The following SHANK2 variants were observed in gnomAD, a reference collection of about 807,000 sequenced individuals.
The protein encoded by SHANK2 is SH3 and multiple ankyrin repeat domains 2.
In SHANK2, 43 loss-of-function variants were observed where a neutral mutation model predicts 133.7. That is an observed-to-expected ratio of 0.32 (90% CI 0.25 to 0.41). The LOEUF (loss-of-function observed/expected upper bound fraction) is 0.41. Among genes scored for constraint, SHANK2 ranks in the 10% least tolerant of loss-of-function variants. The probability of loss-of-function intolerance (pLI) is 1.00; values close to 1 mark genes in which losing one functional copy is unlikely to be tolerated. For missense variants in SHANK2, 1,994 were observed against 2,235.8 expected (o/e 0.89, Z 2.18); for synonymous variants, 1,017 against 952.8 (o/e 1.07, Z -1.24).
At chr11:70,928,649 C>T (rs2135790144) in intron 10 of SHANK2, among the ~76,000 whole-genome samples, 1 of 151,872 alleles carries the variant, frequency 6.6e-6, no homozygotes, top group Non-Finnish European at 1.5e-5. Flanking sequence ...GGAGGTGGTC[C>T]CCTGGAGGAA....
intron 13 of SHANK2, among the ~76,000 whole-genome samples, chr11:70,803,215 C>A (rs1181332025): frequency 6.6e-6 from 1 of 150,770 alleles, no homozygotes; most frequent in Non-Finnish European, 1.5e-5. Flanking sequence ...CGCTGCCATG[C>A]ACTCACTCAC....
chr11:70,867,025 C>T (rs1012414708), intron 11 of SHANK2, among the ~76,000 whole-genome samples: 2 of 150,172 alleles, frequency 1.3e-5, no homozygotes, highest in Admixed American at 6.7e-5. Flanking sequence ...AGGAGCCAAA[C>T]GAATGATATG....
chr11:70,780,311 CT>C lies in SHANK2; in HGVS notation c.1777+18131del, dbSNP rs1947453645. On this transcript the variant is annotated intron_variant, in intron 14 of 25. Transcript: ENST00000601538. ...GTTGGTACAGGGGAAGGGAGAGGCC[CT>C]GGGTCAGAGTTTAACCCCAGGGCTC... Among the ~76,000 whole-genome samples the C allele has an allele frequency of 5.3e-5, 8 of 152,266 alleles. No homozygotes were observed. The South Asian group carries it at 1.7e-3, about 32-fold the overall frequency.
chr11:70,778,676 G>T (rs1190198342), intron 14 of SHANK2, among the ~76,000 whole-genome samples: 4 of 152,186 alleles, frequency 2.6e-5, no homozygotes, highest in African/African-American at 9.7e-5. Flanking sequence ...AACTTCCCCT[G>T]CCAGCCCCTG....
chr11:70,598,710 T>A (rs2060434451), intron 17 of SHANK2, among the ~76,000 whole-genome samples: 1 of 152,240 alleles, frequency 6.6e-6, no homozygotes, highest in South Asian at 2.1e-4. Context: ...ATTAAAAAGA[T>A]TACTACATCA....
intron 12 of SHANK2, among the ~76,000 whole-genome samples, chr11:70,819,010 G>A (rs1325592878): frequency 1.3e-5 from 2 of 152,218 alleles, no homozygotes; most frequent in Admixed American, 6.5e-5. Context: ...GACCTTAGCT[G>A]GCAACAGAGC....
rs782586808 is a variant in SHANK2, at chr11:70,485,658, T to C, written c.4635A>G (p.Pro1545=). The change falls in exon 25 of 26, where the codon CCA becomes CCG. Residue 1545 remains proline (P), a synonymous_variant. Transcript: ENST00000601538. The surrounding 1 kb of genome is among the most constrained non-coding windows in gnomAD (Gnocchi z 5.8). Reference sequence around the variant, plus strand: ...GCTTCATTTTTGGCTTAGGAGGTACTGGGGGTTTGTCAACCATAAATGCTT... The same window carrying C: ...GCTTCATTTTTGGCTTAGGAGGTACCGGGGGTTTGTCAACCATAAATGCTT... ...DGQAFMVDKP[P]VPPKPKMKPI... 1.9e-6 allele frequency: 3 copies of C among 1,614,006 alleles called. No individual in the cohort carries two copies. The highest frequency in any genetic ancestry group is 4.5e-5 in the East Asian group (2 of 44,896).
At chr11:70,705,523 T>C (rs562874253) in intron 14 of SHANK2, 2 of 152,146 alleles carry the variant, frequency 1.3e-5, no homozygotes, top group Non-Finnish European at 2.9e-5. Flanking sequence ...ACAATGGAAA[T>C]GGATCCCATT....
intron 9 of SHANK2, among the ~76,000 whole-genome samples, chr11:71,066,158 G>GTGTA (rs1433542293): frequency 6.8e-4 from 3 of 4,432 alleles, no homozygotes; most frequent in Non-Finnish European, 1.2e-3. Context: ...TGGGGGGGGT[G>GTGTA]CAGAACTCTC....
intron 1 of SHANK2, among the ~76,000 whole-genome samples, chr11:71,237,274 C>T (rs1205686741): frequency 6.6e-6 from 1 of 152,172 alleles, no homozygotes; most frequent in Non-Finnish European, 1.5e-5. Flanking sequence ...GAACCATGAG[C>T]TAAATAAATC....
At chr11:71,132,280 T>C (rs1952327427) in intron 3 of SHANK2, among the ~76,000 whole-genome samples, 2 of 152,090 alleles carry the variant, frequency 1.3e-5, no homozygotes, top group Non-Finnish European at 2.9e-5. Flanking sequence ...ACCCTTGGAT[T>C]TAACACAGAA....
chr11:71,102,363 T>G (rs577573857), intron 6 of SHANK2, among the ~76,000 whole-genome samples: 1 of 152,196 alleles, frequency 6.6e-6, no homozygotes, highest in Admixed American at 6.6e-5. Context: ...TTTGTTTTCA[T>G]TGACAGGTCG....
chr11:70,837,985 A>G (rs1241180773), intron 11 of SHANK2, among the ~76,000 whole-genome samples: 1 of 149,972 alleles, frequency 6.7e-6, no homozygotes, highest in Non-Finnish European at 1.5e-5. Context: ...CAAAAAAAAA[A>G]AAAAAAAAAA....
intron 11 of SHANK2, chr11:70,862,930 G>A (rs1949285039): frequency 3.7e-6 from 1 of 269,164 alleles, no homozygotes; most frequent in Non-Finnish European, 7.3e-6. Context: ...CCCGTCTTGG[G>A]GCTCTTGGTC....
chr11:71,226,056 A>T (rs375854498), intron 1 of SHANK2, among the ~76,000 whole-genome samples: 13 of 152,210 alleles, frequency 8.5e-5, no homozygotes, highest in South Asian at 4.1e-4. Flanking sequence ...CAGGAGGTAG[A>T]GGTTGCAGTG....
At chr11:70,596,194 C>A (rs901363988) in intron 17 of SHANK2, among the ~76,000 whole-genome samples, 1 of 152,306 alleles carries the variant, frequency 6.6e-6, no homozygotes, top group Non-Finnish European at 1.5e-5. Flanking sequence ...GCAGCCCAGG[C>A]GAGCCCCCTT....
chr11:70,738,058 C>A (rs1427304652), intron 14 of SHANK2, among the ~76,000 whole-genome samples: 1 of 152,254 alleles, frequency 6.6e-6, no homozygotes, highest in Non-Finnish European at 1.5e-5. Flanking sequence ...GGTGACAAAG[C>A]CCGCAAGACG....
chr11:70,852,186 T>C (rs1590758660), intron 11 of SHANK2, among the ~76,000 whole-genome samples: 1 of 152,160 alleles, frequency 6.6e-6, no homozygotes, highest in Non-Finnish European at 1.5e-5. Flanking sequence ...TGTTAGAGCA[T>C]ATAGCTCCTC....
intron 15 of SHANK2, among the ~76,000 whole-genome samples, chr11:70,684,478 T>C (rs1304636058): frequency 5.3e-5 from 8 of 152,238 alleles, no homozygotes; most frequent in African/African-American, 1.9e-4. Flanking sequence ...GAGGATCACT[T>C]GAGCCCAGGA....
Sources: allele counts gnomAD v4.1 joint callset (sites outside exome capture counted in the v4.1 genomes callset), GRCh38; gene constraint gnomAD v4.1.1; non-coding constraint Gnocchi (gnomAD v3.1); transcripts MANE v1.5; gene names NCBI Gene and HGNC (gene_info 2026-07-23, HGNC 2026-07-21).